ADAMTS14: variants seen among roughly 807,000 people sequenced by gnomAD.
ADAMTS14 encodes ADAM metallopeptidase with thrombospondin type 1 motif 14.
A neutral mutation model predicts 128.6 loss-of-function variants in ADAMTS14; 100 were observed. The ratio of observed to expected loss-of-function variants is 0.78; its 90% CI spans 0.66 to 0.92. The LOEUF (loss-of-function observed/expected upper bound fraction) is 0.92. Among genes scored for constraint, ADAMTS14 ranks in the 40% least tolerant of loss-of-function variants. The pLI is 0.00. For missense variants in ADAMTS14, 1,562 were observed against 1,658.6 expected (o/e 0.94, Z 1.01); for synonymous variants, 665 against 653.8 (o/e 1.02, Z -0.26).
In ADAMTS14 at chr10:70,708,810, G is replaced by A. The variant is rs756726887; in HGVS notation, c.870+32G>A. On this transcript the variant is annotated intron_variant, in intron 4 of 21. Transcript: ENST00000373207. ...GTCCATGTGTCCTAGGACTTGGGGG[G>A]AGTGGGGTGGGGTGGGCCCCACCCC... 1.0e-5 allele frequency: 13 copies of A among 1,241,630 alleles called. No individual in the cohort carries two copies. The African/African-American group carries it at 1.8e-4, about 17-fold the overall frequency. The allele number at this position is 1,241,630 out of a possible 1,614,324, so 76.9% of individuals were successfully genotyped here.
chr10:70,681,832 A>C (rs560673892), intron 2 of ADAMTS14, among the ~76,000 whole-genome samples: 4 of 152,118 alleles, frequency 2.6e-5, no homozygotes, highest in African/African-American at 4.8e-5. Flanking sequence ...GCCCTCACAC[A>C]TGTGTGCCTA....
intron 12 of ADAMTS14, among the ~76,000 whole-genome samples, chr10:70,742,975 A>G (rs1267419343): frequency 6.6e-6 from 1 of 152,148 alleles, no homozygotes; most frequent in East Asian, 1.9e-4. Flanking sequence ...CGCATGTCAT[A>G]CATGTGCACA....
In ADAMTS14 at chr10:70,672,553, G is replaced by T. The variant is rs2132515735; in HGVS notation, c.-250G>T. 6.6e-6 allele frequency among the ~76,000 whole-genome samples: 1 copy of T among 151,376 alleles called. No homozygotes were observed. Among genetic ancestry groups the T allele is most frequent in the Admixed American group, 6.6e-5 (1 of 15,202 alleles). On this transcript the variant is annotated 5_prime_UTR_variant, in exon 1 of 22. Transcript: ENST00000373207. ...CCAGCCGGCAGTTGGCACCGGGTGC[G>T]CTGGCGCGTCAGTGGCCCCGCTCTC... is the stretch of plus-strand genomic sequence containing the variant.
intron 18 of ADAMTS14, among the ~76,000 whole-genome samples, chr10:70,752,837 CA>C (rs1842388548): frequency 6.6e-6 from 1 of 152,154 alleles, no homozygotes; most frequent in Non-Finnish European, 1.5e-5. Context: ...GTAATTGGGG[CA>C]AGGGTGGGAA....
At chr10:70,754,381 C>T (rs993580749) in intron 19 of ADAMTS14, among the ~76,000 whole-genome samples, 5 of 152,206 alleles carry the variant, frequency 3.3e-5, no homozygotes, top group African/African-American at 7.2e-5. Context: ...TTCTTGCCCT[C>T]GTGCAGCCCA....
rs201049986 is a variant in ADAMTS14, at chr10:70,752,190, C to T, written c.2692C>T (p.Arg898Cys). The T allele has an allele frequency of 4.9e-5, 79 of 1,613,696 alleles. No individual in the cohort carries two copies. Among genetic ancestry groups the T allele is most frequent in the Admixed American group, 3.3e-5 (2 of 60,002 alleles). Residue 898 changes from arginine to cysteine, a missense_variant, in exon 18 of 22, where the codon CGC (arginine) becomes TGC (cysteine). Coordinates refer to ENST00000373207, the MANE Select transcript of ADAMTS14 (RefSeq NM_080722.4). The part of the protein sequence containing the change: ...CDHKKRPKPI[R>C]RRCNQHPCSQ... ...CCACAAGAAGAGGCCCAAGCCCATC[C>T]GCCGGCGCTGCAACCAGCACCCGTG...
chr10:70,694,173 C>T (rs900139689), intron 2 of ADAMTS14, among the ~76,000 whole-genome samples: 42 of 152,216 alleles, frequency 2.8e-4, no homozygotes, highest in African/African-American at 1.0e-3. Flanking sequence ...ATCCCAGCCT[C>T]GCTGACTCCC....
chr10:70,741,204 A>G lies in ADAMTS14; in HGVS notation c.1924+42A>G, dbSNP rs774007727. ...CCCCTCCCACTCCATGTCCTTAGGC[A>G]TCTGCGGGGGCTGTGTGTGCCCAGG... On this transcript the variant is annotated intron_variant, in intron 12 of 21. Transcript: ENST00000373207. The G allele has an allele frequency of 6.3e-6, 10 of 1,598,442 alleles. No homozygotes were observed. The African/African-American group carries it at 8.0e-5, about 13-fold the overall frequency.
At chr10:70,704,644 T>C (rs1840600202) in intron 3 of ADAMTS14, among the ~76,000 whole-genome samples, 1 of 136,770 alleles carries the variant, frequency 7.3e-6, no homozygotes, top group Non-Finnish European at 1.5e-5. Flanking sequence ...ACACCACCCA[T>C]AGATTCATGC....
intron 15 of ADAMTS14, among the ~76,000 whole-genome samples, chr10:70,746,730 CA>C (rs1564554999): frequency 1.3e-5 from 2 of 151,978 alleles, no homozygotes; most frequent in African/African-American, 2.4e-5. Context: ...AGGAGCGTCT[CA>C]AAAAAAATTT....
At chr10:70,760,314 G>A (rs1489906638) in intron 21 of ADAMTS14, 46 bp from the exon 22 acceptor site, 2 of 1,505,346 alleles carry the variant, frequency 1.3e-6, no homozygotes, top group East Asian at 4.6e-5. Context: ...TGACTGACAG[G>A]CATCCCCACG....
chr10:70,743,439 A>G (rs1842066601), intron 12 of ADAMTS14, 109 bp from the exon 13 acceptor site: 5 of 1,354,090 alleles, frequency 3.7e-6, no homozygotes, highest in Non-Finnish European at 4.9e-6. Flanking sequence ...TGCTCCCCCA[A>G]CTGTCCAGAG....
At chr10:70,691,401 G>T (rs1840181616) in intron 2 of ADAMTS14, among the ~76,000 whole-genome samples, 1 of 135,354 alleles carries the variant, frequency 7.4e-6, no homozygotes, top group South Asian at 2.5e-4. Flanking sequence ...TGAGGCGGGA[G>T]AATCGCTTGA....
At chr10:70,711,651 G>C (rs1160149901) in intron 4 of ADAMTS14, among the ~76,000 whole-genome samples, 4 of 152,198 alleles carry the variant, frequency 2.6e-5, no homozygotes, top group Admixed American at 2.6e-4. Flanking sequence ...GTTTGTTTTT[G>C]CGTGTATAAG....
chr10:70,679,562 C>T (rs2132532988), intron 2 of ADAMTS14, among the ~76,000 whole-genome samples: 1 of 152,306 alleles, frequency 6.6e-6, no homozygotes, highest in South Asian at 2.1e-4. Context: ...TCACTGTGCC[C>T]ATCTAGAATC....
chr10:70,744,407 C>T (rs1842111308), intron 14 of ADAMTS14, among the ~76,000 whole-genome samples: 1 of 152,176 alleles, frequency 6.6e-6, no homozygotes, highest in Non-Finnish European at 1.5e-5. Flanking sequence ...GTTTGGGGCC[C>T]AGGAGCTCCA....
chr10:70,674,863 A>G lies in ADAMTS14; in HGVS notation c.390A>G (p.Pro130=). 3 of 1,613,984 alleles carry G rather than the reference A, an allele frequency of 1.9e-6. No homozygotes were observed. The South Asian group carries it at 3.3e-5, about 18-fold the overall frequency. Residue 130 remains proline (P), a synonymous_variant, in exon 2 of 22, where the codon CCA becomes CCG. Coordinates refer to ENST00000373207, the MANE Select transcript of ADAMTS14 (RefSeq NM_080722.4). ...GGCCCAATCGGAGGTTGGTAGTGCCAGGATCCTCAGTGGAGTGGCAGGAGG... is the reference window on the plus strand; with the variant it reads ...GGCCCAATCGGAGGTTGGTAGTGCCGGGATCCTCAGTGGAGTGGCAGGAGG... The part of the protein sequence containing the change: ...RLRPNRRLVV[P]GSSVEWQEDF...
chr10:70,695,335 T>G (rs1420971157), intron 2 of ADAMTS14, among the ~76,000 whole-genome samples: 6 of 152,168 alleles, frequency 3.9e-5, no homozygotes, highest in Non-Finnish European at 7.3e-5. Context: ...GCAAGCTGTA[T>G]GTGATTCATA....
At chr10:70,760,286 G>A (rs920076971) in intron 21 of ADAMTS14, 74 bp from the exon 22 acceptor site, 94 of 1,498,204 alleles carry the variant, frequency 6.3e-5, no homozygotes, top group Non-Finnish European at 7.5e-5. Context: ...CAGTGGGTAA[G>A]TGGGAGGGGG....
Sources: gnomAD v4.1 joint callset for allele counts (sites outside exome capture counted in the v4.1 genomes callset) on GRCh38, gnomAD v4.1.1 for gene constraint, MANE v1.5 for transcripts, NCBI Gene and HGNC (gene_info 2026-07-23, HGNC 2026-07-21) for gene names.